The following BBS9 variants were observed in gnomAD, a reference collection of about 807,000 sequenced individuals.
BBS9 encodes the protein protein PTHB1.
A neutral mutation model predicts 117.7 loss-of-function variants in BBS9; 89 were observed. That is an observed-to-expected ratio of 0.76 (90% CI 0.64 to 0.90). The LOEUF (loss-of-function observed/expected upper bound fraction) is 0.90, where lower values mean the gene tolerates loss of function less well. Among genes scored for constraint, BBS9 ranks in the 40% least tolerant of loss-of-function variants. BBS9 has a pLI of 0.00. For missense variants in BBS9, 982 were observed against 1,042.2 expected (o/e 0.94, Z 0.80); for synonymous variants, 379 against 370.9 (o/e 1.02, Z -0.25).
At chr7:33,305,591 T>C (rs1242232763) in intron 9 of BBS9, among the ~76,000 whole-genome samples, 2 of 152,196 alleles carry the variant, frequency 1.3e-5, no homozygotes, top group African/African-American at 2.4e-5. Context: ...CGTTACTCGA[T>C]ATTGATATGT....
intron 17 of BBS9, among the ~76,000 whole-genome samples, chr7:33,381,368 C>T (rs1200801571): frequency 6.6e-6 from 1 of 152,156 alleles, no homozygotes; most frequent in Non-Finnish European, 1.5e-5. Flanking sequence ...CTCCTGGGAG[C>T]TCCTTGAGGG....
intron 19 of BBS9, among the ~76,000 whole-genome samples, chr7:33,441,288 A>T (rs534303197): frequency 4.5e-4 from 66 of 147,148 alleles, no homozygotes; most frequent in East Asian, 7.0e-4. Context: ...GCCAAAAAAA[A>T]AAAATAAAAT....
intron 19 of BBS9, among the ~76,000 whole-genome samples, chr7:33,443,488 A>C (rs1836518292): frequency 6.6e-6 from 1 of 152,142 alleles, no homozygotes; most frequent in African/African-American, 2.4e-5. Context: ...TCTCTCAAGG[A>C]CAATATATCA....
At chr7:33,475,160 C>T (rs1437975413) in intron 19 of BBS9, among the ~76,000 whole-genome samples, 1 of 152,164 alleles carries the variant, frequency 6.6e-6, no homozygotes, top group Admixed American at 6.5e-5. Flanking sequence ...GCTTTGCAGT[C>T]TATCTGGTCT....
chr7:33,563,024 AATGGAGAGTATAGGT>A (rs891578640), intron 21 of BBS9, among the ~76,000 whole-genome samples: 15 of 152,208 alleles, frequency 9.9e-5, no homozygotes, highest in African/African-American at 3.6e-4. Context: ...ATGTTGATGC[AATGGAGAGTATAGGT>A]ATAATTATTA....
At chr7:33,131,964 A>C (rs1290019658) in intron 1 of BBS9, among the ~76,000 whole-genome samples, 1 of 152,204 alleles carries the variant, frequency 6.6e-6, no homozygotes, top group Middle Eastern at 3.2e-3. Flanking sequence ...GAATTTCTGG[A>C]GTTTAGGGGA....
chr7:33,502,473 C>G (rs1312129672), intron 19 of BBS9, among the ~76,000 whole-genome samples: 1 of 152,082 alleles, frequency 6.6e-6, no homozygotes, highest in Non-Finnish European at 1.5e-5. Context: ...CCTCAAGAAA[C>G]TAGATAATAG....
At chr7:33,163,015 G>A (rs6974247) in intron 4 of BBS9, among the ~76,000 whole-genome samples, 30,095 of 152,042 alleles carry the variant, frequency 0.2, 3,159 homozygotes, top group Non-Finnish European at 0.23. Context: ...TCAATACCTA[G>A]TTTATTGAGA....
intron 16 of BBS9, among the ~76,000 whole-genome samples, chr7:33,361,120 G>A (rs1375866538): frequency 6.6e-6 from 1 of 152,092 alleles, no homozygotes; most frequent in African/African-American, 2.4e-5. Flanking sequence ...GGTTTCAATA[G>A]CCATAATTTT....
intron 20 of BBS9, among the ~76,000 whole-genome samples, chr7:33,531,044 A>C (rs986322553): frequency 1.3e-5 from 2 of 152,190 alleles, no homozygotes; most frequent in Non-Finnish European, 2.9e-5. Context: ...CAGGAGTTCA[A>C]GACCAGCCTG....
chr7:33,590,465 T>TTGTTTTTTTTTTTTG (rs796207733), intron 21 of BBS9, among the ~76,000 whole-genome samples: 3 of 137,980 alleles, frequency 2.2e-5, no homozygotes, highest in African/African-American at 8.7e-5. Flanking sequence ...TTTTGTTTTT[T>TTGTTTTTTTTTTTTG]TTTTTTTTTT....
intron 5 of BBS9, among the ~76,000 whole-genome samples, chr7:33,218,466 T>A (rs1385560036): frequency 6.6e-6 from 1 of 152,228 alleles, no homozygotes; most frequent in Non-Finnish European, 1.5e-5. Flanking sequence ...AAGAAAGCCA[T>A]TTTTGTAAAT....
intron 9 of BBS9, among the ~76,000 whole-genome samples, chr7:33,276,455 A>T (rs1323232977): frequency 6.6e-6 from 1 of 152,208 alleles, no homozygotes; most frequent in East Asian, 1.9e-4. Flanking sequence ...GCCGTGGACC[A>T]TGGGGAGAGC....
chr7:33,451,859 A>G (rs1385877285), intron 19 of BBS9, among the ~76,000 whole-genome samples: 1 of 151,918 alleles, frequency 6.6e-6, no homozygotes, highest in Admixed American at 6.6e-5. Context: ...TTTGAAACAG[A>G]GTCTTGCTCT....
At position 33,387,981 on chromosome 7, in the gene BBS9, A is replaced by G. The variant is rs749640684; in HGVS notation, c.1963-11A>G. 12 of 1,613,458 alleles carry G rather than the reference A, an allele frequency of 7.4e-6. No individual in the cohort carries two copies. In the Admixed American group the frequency reaches 1.7e-4, roughly 22 times the overall value. ...CCATTTAATCTCAATTTAAGAAATT[A>G]TTCATTGCAGCTACGGATAAATGGT... is the stretch of plus-strand genomic sequence containing the variant. On this transcript the variant is annotated splice_polypyrimidine_tract_variant and intron_variant, in intron 18 of 22. Coordinates refer to ENST00000242067, the MANE Select transcript of BBS9 (RefSeq NM_198428.3).
At chr7:33,334,244 A>G (rs1814797418) in intron 9 of BBS9, among the ~76,000 whole-genome samples, 1 of 152,188 alleles carries the variant, frequency 6.6e-6, no homozygotes, top group Non-Finnish European at 1.5e-5. Flanking sequence ...AAACCTTTCA[A>G]CTCAAAGACC....
intron 9 of BBS9, among the ~76,000 whole-genome samples, chr7:33,281,187 A>G (rs1801815109): frequency 6.6e-6 from 1 of 150,826 alleles, no homozygotes; most frequent in Admixed American, 6.6e-5. Flanking sequence ...TTTGGTTTAG[A>G]TATTCTATGT....
chr7:33,619,544 A>G (rs117820243), intron 21 of BBS9, among the ~76,000 whole-genome samples: 3,372 of 152,276 alleles, frequency 0.022, 69 homozygotes, highest in South Asian at 0.11. Context: ...ATTCAACAGC[A>G]GCAGAACGCA....
At chr7:33,368,207 T>C (rs1369444141) in intron 17 of BBS9, among the ~76,000 whole-genome samples, 4 of 152,100 alleles carry the variant, frequency 2.6e-5, no homozygotes, top group Admixed American at 1.3e-4. Context: ...ATTTTTGAGG[T>C]AGGTATATGG....
Sources: allele counts gnomAD v4.1 joint callset (sites outside exome capture counted in the v4.1 genomes callset), GRCh38; gene constraint gnomAD v4.1.1; transcripts MANE v1.5; gene names NCBI Gene and HGNC (gene_info 2026-07-23, HGNC 2026-07-21).